Variants in PLXDC2 observed in about 807,000 individuals in gnomAD.
PLXDC2 encodes plexin domain containing 2.
PLXDC2 carries 40 observed loss-of-function variants against 68.9 expected under a neutral mutation model. That is an observed-to-expected ratio of 0.58 (90% CI 0.45 to 0.76). The LOEUF is 0.76. Among genes scored for constraint, PLXDC2 ranks in the 30% least tolerant of loss-of-function variants. The pLI, the probability that PLXDC2 is intolerant of heterozygous loss-of-function variation, is 0.00. For synonymous variants in PLXDC2, 243 were observed against 234.2 expected, an observed-to-expected ratio of 1.04 and a Z score of -0.34; for missense variants, 644 against 661.9, an observed-to-expected ratio of 0.97 and a Z score of 0.30.
At chr10:19,889,142 C>T (rs1277433279) in intron 1 of PLXDC2, among the ~76,000 whole-genome samples, 1 of 151,950 alleles carries the variant, frequency 6.6e-6, no homozygotes, top group Non-Finnish European at 1.5e-5. Context: ...GTATTCATTT[C>T]CTCCTTGTTT....
At chr10:19,995,336 A>T (rs762880351) in intron 1 of PLXDC2, among the ~76,000 whole-genome samples, 3 of 152,176 alleles carry the variant, frequency 2.0e-5, no homozygotes, top group Non-Finnish European at 2.9e-5. Context: ...AAATTCCAAG[A>T]GTCCTTTCCA....
chr10:19,975,972 C>T (rs1275267089), intron 1 of PLXDC2, among the ~76,000 whole-genome samples: 1 of 152,214 alleles, frequency 6.6e-6, no homozygotes, highest in African/African-American at 2.4e-5. Context: ...CCACTGCACT[C>T]CAGCCTGATG....
At chr10:20,251,962 A>G (rs1159775116) in intron 13 of PLXDC2, among the ~76,000 whole-genome samples, 1 of 152,108 alleles carries the variant, frequency 6.6e-6, no homozygotes, top group East Asian at 1.9e-4. Context: ...AAAAAAGTAA[A>G]AACTAAGAGT....
chr10:20,238,169 T>C (rs1031466922), intron 12 of PLXDC2, among the ~76,000 whole-genome samples: 3 of 149,710 alleles, frequency 2.0e-5, no homozygotes, highest in Non-Finnish European at 4.4e-5. Context: ...TGTATATACA[T>C]ATATATACAA....
chr10:19,860,814 G>A (rs967757321), intron 1 of PLXDC2, among the ~76,000 whole-genome samples: 1 of 152,092 alleles, frequency 6.6e-6, no homozygotes, highest in Non-Finnish European at 1.5e-5. Flanking sequence ...TTGGTTAAAG[G>A]TATGTACATA....
chr10:20,074,774 ATCT>A (rs1317475972), intron 4 of PLXDC2, among the ~76,000 whole-genome samples: 2 of 152,188 alleles, frequency 1.3e-5, no homozygotes, highest in African/African-American at 2.4e-5. Context: ...TACCAACAAC[ATCT>A]TCTTTCAAGT....
At chr10:20,168,505 C>G (rs371516305) in intron 7 of PLXDC2, among the ~76,000 whole-genome samples, 130 of 152,282 alleles carry the variant, frequency 8.5e-4, no homozygotes, top group African/African-American at 3.0e-3. Context: ...GTCTCTGGAA[C>G]TTCAGTGCTT....
intron 2 of PLXDC2, among the ~76,000 whole-genome samples, chr10:20,044,477 T>G (rs893777426): frequency 1.3e-5 from 2 of 151,838 alleles, no homozygotes; most frequent in Middle Eastern, 3.4e-3. Flanking sequence ...GCCTGGCTAT[T>G]TTTTGTATTT....
intron 1 of PLXDC2, among the ~76,000 whole-genome samples, chr10:19,882,155 A>G (rs1322248442): frequency 2.0e-5 from 3 of 152,218 alleles, no homozygotes; most frequent in Non-Finnish European, 4.4e-5. Flanking sequence ...TGATACTGAA[A>G]TAATTTGACT....
chr10:19,994,212 T>A (rs964812789), intron 1 of PLXDC2, among the ~76,000 whole-genome samples: 2 of 150,740 alleles, frequency 1.3e-5, no homozygotes, highest in Non-Finnish European at 3.0e-5. Flanking sequence ...TAAGATCATC[T>A]TGGATAAAGA....
chr10:20,108,576 G>A (rs1227432924), intron 4 of PLXDC2, among the ~76,000 whole-genome samples: 1 of 152,104 alleles, frequency 6.6e-6, no homozygotes, highest in Non-Finnish European at 1.5e-5. Flanking sequence ...TGGTGGATAA[G>A]GTAAAATCAT....
intron 3 of PLXDC2, among the ~76,000 whole-genome samples, chr10:20,059,293 T>G (rs1836056911): frequency 6.6e-6 from 1 of 151,780 alleles, no homozygotes; most frequent in East Asian, 2.0e-4. Context: ...GAATTCTGCC[T>G]GAGTTGTAAA....
chr10:20,104,245 A>G (rs1589631078), intron 4 of PLXDC2, among the ~76,000 whole-genome samples: 1 of 152,222 alleles, frequency 6.6e-6, no homozygotes, highest in Non-Finnish European at 1.5e-5. Context: ...TGAAAATATT[A>G]GCAGCAGTAG....
At chr10:20,235,604 G>C (rs577669726) in intron 12 of PLXDC2, among the ~76,000 whole-genome samples, 10 of 152,220 alleles carry the variant, frequency 6.6e-5, no homozygotes, top group Admixed American at 6.5e-4. Flanking sequence ...CGCTCCTTTA[G>C]GTCCAGCAGT....
intron 4 of PLXDC2, among the ~76,000 whole-genome samples, chr10:20,086,988 A>G (rs1833208030): frequency 6.6e-6 from 1 of 152,240 alleles, no homozygotes; most frequent in Non-Finnish European, 1.5e-5. Context: ...CAAATTTTAA[A>G]GGATAAAGAA....
intron 4 of PLXDC2, among the ~76,000 whole-genome samples, chr10:20,073,721 G>T (rs1836382630): frequency 6.6e-6 from 1 of 152,018 alleles, no homozygotes; most frequent in African/African-American, 2.4e-5. Flanking sequence ...AGTTCTCTGT[G>T]AATTTCATCA....
chr10:20,251,760 G>A (rs1056464739), intron 13 of PLXDC2, among the ~76,000 whole-genome samples: 4 of 152,120 alleles, frequency 2.6e-5, no homozygotes, highest in Non-Finnish European at 5.9e-5. Context: ...CTTGCTGAAA[G>A]TATTAATGTT....
At chr10:20,179,061 C>T (rs562083923) in intron 9 of PLXDC2, among the ~76,000 whole-genome samples, 20 of 152,118 alleles carry the variant, frequency 1.3e-4, no homozygotes, top group South Asian at 2.1e-4. Context: ...TCTAAAGAGA[C>T]GGCATTTTAA....
intron 4 of PLXDC2, among the ~76,000 whole-genome samples, chr10:20,077,208 T>G (rs960423147): frequency 6.6e-6 from 1 of 152,174 alleles, no homozygotes; most frequent in Non-Finnish European, 1.5e-5. Context: ...AAAAATGTAT[T>G]AAAGATCCAA....
Sources: allele counts gnomAD v4.1 joint callset (sites outside exome capture counted in the v4.1 genomes callset), GRCh38; gene constraint gnomAD v4.1.1; transcripts MANE v1.5; gene names NCBI Gene and HGNC (gene_info 2026-07-23, HGNC 2026-07-21).